EFHD1: variants seen among roughly 807,000 people sequenced by gnomAD.
EFHD1 encodes the protein EF-hand domain-containing protein D1.
Under a neutral mutation model 17.2 loss-of-function variants are expected in EFHD1, and 10 were observed. That is an observed-to-expected ratio of 0.58 (90% CI 0.36 to 0.99). The LOEUF (loss-of-function observed/expected upper bound fraction) is 0.99, where lower values mean the gene tolerates loss of function less well. Ranked by LOEUF, EFHD1 falls within the 50% of genes least tolerant of loss-of-function variation. The pLI, the probability that EFHD1 is intolerant of heterozygous loss-of-function variation, is 0.01. For missense variants in EFHD1, 310 were observed against 327.5 expected, an observed-to-expected ratio of 0.95 and a Z score of 0.41; for synonymous variants, 153 against 142.0, an observed-to-expected ratio of 1.08 and a Z score of -0.55.
chr2:232,648,691 G>A (rs905306742), intron 1 of EFHD1, among the ~76,000 whole-genome samples: 2 of 151,992 alleles, frequency 1.3e-5, no homozygotes, highest in African/African-American at 4.8e-5. Flanking sequence ...TGGTGTGGGG[G>A]GCTTGTGAAC....
chr2:232,642,373 CAAAAAAAAA>C (rs764647177), intron 1 of EFHD1, among the ~76,000 whole-genome samples: 33 of 68,982 alleles, frequency 4.8e-4, no homozygotes, highest in African/African-American at 1.7e-3. Context: ...GACTCTGTCT[CAAAAAAAAA>C]AAAAAAAAAA....
At chr2:232,642,829 G>A (rs1489707197) in intron 1 of EFHD1, among the ~76,000 whole-genome samples, 3 of 152,218 alleles carry the variant, frequency 2.0e-5, no homozygotes, top group East Asian at 3.9e-4. Context: ...CCAGCTGGTT[G>A]GGTGCATGTT....
chr2:232,677,420 T>A (rs769248790), intron 3 of EFHD1, among the ~76,000 whole-genome samples: 14 of 151,472 alleles, frequency 9.2e-5, no homozygotes, highest in Non-Finnish European at 1.9e-4. Context: ...TGATTTTTCA[T>A]TGAAATGGGA....
upstream of EFHD1, among the ~76,000 whole-genome samples, chr2:232,628,707 C>T (rs1694149238): frequency 6.6e-6 from 1 of 152,138 alleles, no homozygotes; most frequent in South Asian, 2.1e-4. Flanking sequence ...TGACTCAATT[C>T]TGCAGGGATT....
intron 1 of EFHD1, among the ~76,000 whole-genome samples, chr2:232,627,039 T>TCC (rs1465304586): frequency 1.3e-5 from 1 of 79,516 alleles, no homozygotes; most frequent in Non-Finnish European, 2.4e-5. Context: ...TCTCTCTCTA[T>TCC]ATATATATAT....
In EFHD1 at chr2:232,633,847, C is replaced by A; in HGVS notation, c.143C>A (p.Thr48Lys). The A allele has an allele frequency of 6.7e-7, 1 of 1,495,728 alleles. No individual in the cohort carries two copies. The highest frequency in any genetic ancestry group is 8.8e-7 in the Non-Finnish European group (1 of 1,131,512). The allele number at this position is 1,495,728 out of a possible 1,614,324, so 92.7% of individuals were successfully genotyped here. A position where few individuals can be genotyped will look rare whatever the true frequency, so the allele number is the denominator to read the frequency against. Residue 48 changes from threonine (T) to lysine (K), a missense_variant, in exon 1 of 4, where the codon ACG becomes AAG. Coordinates refer to ENST00000264059, the MANE Select transcript of EFHD1 (RefSeq NM_025202.4). Reference protein sequence around the residue: ...PEPEPPARAPTASADAELSAQ... With the variant: ...PEPEPPARAPKASADAELSAQ... Reference sequence around the variant, plus strand: ...CCCGAGCCTCCCGCCCGTGCGCCCACGGCCAGCGCCGACGCGGAGCTGAGC... The same window carrying A: ...CCCGAGCCTCCCGCCCGTGCGCCCAAGGCCAGCGCCGACGCGGAGCTGAGC...
chr2:232,652,664 A>T (rs1037096335), intron 1 of EFHD1, among the ~76,000 whole-genome samples: 2 of 152,152 alleles, frequency 1.3e-5, no homozygotes, highest in Non-Finnish European at 2.9e-5. Context: ...GGATCAGTAC[A>T]TGAGACAATG....
At chr2:232,639,599 C>T (rs1353719302) in intron 1 of EFHD1, among the ~76,000 whole-genome samples, 1 of 152,182 alleles carries the variant, frequency 6.6e-6, no homozygotes, top group Non-Finnish European at 1.5e-5. Context: ...AATACTTCTT[C>T]CATTGACCTG....
intron 3 of EFHD1, among the ~76,000 whole-genome samples, chr2:232,677,692 C>G (rs1260617391): frequency 6.6e-6 from 1 of 152,154 alleles, no homozygotes; most frequent in Non-Finnish European, 1.5e-5. Context: ...CACTGCACTC[C>G]AGTCTGGGTG....
chr2:232,623,692 A>AAG (rs1694058331), intron 1 of EFHD1, among the ~76,000 whole-genome samples: 7 of 101,962 alleles, frequency 6.9e-5, no homozygotes, highest in Non-Finnish European at 1.2e-4. Flanking sequence ...AAAAAAAAAA[A>AAG]AAGAAGAAGA....
chr2:232,640,008 C>T (rs1037625063), intron 1 of EFHD1, among the ~76,000 whole-genome samples: 7 of 152,156 alleles, frequency 4.6e-5, no homozygotes, highest in Admixed American at 2.0e-4. Flanking sequence ...CCCAGAACAC[C>T]CCTCTATAGC....
chr2:232,630,127 T>A (rs1445104840), upstream of EFHD1, among the ~76,000 whole-genome samples: 2 of 152,090 alleles, frequency 1.3e-5, no homozygotes, highest in African/African-American at 4.8e-5. Context: ...TTTTTGTGTT[T>A]TTAGTAGAGG....
At chr2:232,632,802 A>C (rs1694227054), upstream of EFHD1, among the ~76,000 whole-genome samples, 1 of 152,142 alleles carries the variant, frequency 6.6e-6, no homozygotes, top group Non-Finnish European at 1.5e-5. Context: ...ATTTTTTAAA[A>C]GTTTTTGTAG....
intron 1 of EFHD1, among the ~76,000 whole-genome samples, chr2:232,622,313 C>CA (rs1169608942): frequency 1.3e-5 from 2 of 152,050 alleles, no homozygotes; most frequent in Non-Finnish European, 2.9e-5. Flanking sequence ...ATTAAAAATA[C>CA]AAAAAATTAG....
chr2:232,632,652 G>T (rs1211993702), upstream of EFHD1, among the ~76,000 whole-genome samples: 1 of 152,054 alleles, frequency 6.6e-6, no homozygotes, highest in Admixed American at 6.6e-5. Flanking sequence ...TAGAGCCAGG[G>T]TCTCACTCTG....
upstream of EFHD1, among the ~76,000 whole-genome samples, chr2:232,631,691 T>TTA (rs1553596982): frequency 7.8e-5 from 9 of 115,780 alleles, no homozygotes; most frequent in South Asian, 3.0e-4. Context: ...ATAAGAACAT[T>TTA]AAAAAAAAAA....
chr2:232,641,844 C>T (rs1287868619), intron 1 of EFHD1, among the ~76,000 whole-genome samples: 8 of 152,144 alleles, frequency 5.3e-5, no homozygotes, highest in Admixed American at 1.3e-4. Context: ...AGCCTGGTGT[C>T]CCCCCAGTTG....
At chr2:232,677,382 A>T (rs1695199491) in intron 3 of EFHD1, among the ~76,000 whole-genome samples, 1 of 152,012 alleles carries the variant, frequency 6.6e-6, no homozygotes. Context: ...CCCCTGTGAA[A>T]TGCAGGGGGA....
intron 3 of EFHD1, among the ~76,000 whole-genome samples, chr2:232,677,244 A>G (rs1429567964): frequency 2.3e-5 from 3 of 128,646 alleles, no homozygotes; most frequent in Non-Finnish European, 3.2e-5. Flanking sequence ...ACACACACGT[A>G]CACACACACA....
Sources: allele counts gnomAD v4.1 joint callset (sites outside exome capture counted in the v4.1 genomes callset), GRCh38; gene constraint gnomAD v4.1.1; transcripts MANE v1.5; gene names NCBI Gene and HGNC (gene_info 2026-07-23, HGNC 2026-07-21).